Variants in CDH7 observed in about 807,000 individuals in gnomAD.
CDH7 encodes the protein cadherin 7.
CDH7 carries 25 observed loss-of-function variants against 71.8 expected under a neutral mutation model. The observed-to-expected ratio is 0.35, with a 90% CI of 0.25 to 0.49. CDH7 has a LOEUF of 0.49. Among genes scored for constraint, CDH7 ranks in the 20% least tolerant of loss-of-function variants. The pLI is 0.99. For missense variants in CDH7, 862 were observed against 974.6 expected, an observed-to-expected ratio of 0.88 and a Z score of 1.54; for synonymous variants, 381 against 363.8, an observed-to-expected ratio of 1.05 and a Z score of -0.54.
intron 6 of CDH7, among the ~76,000 whole-genome samples, chr18:65,836,684 A>AGAT (rs1912543047): frequency 6.7e-6 from 1 of 150,166 alleles, no homozygotes; most frequent in Non-Finnish European, 1.5e-5. Flanking sequence ...AGTATAATTA[A>AGAT]AATAATAATA....
chr18:65,858,725 T>C (rs1318117695), intron 8 of CDH7, among the ~76,000 whole-genome samples, 200 bp from the exon 9 acceptor site: 1 of 152,034 alleles, frequency 6.6e-6, no homozygotes, highest in Non-Finnish European at 1.5e-5. Flanking sequence ...TGTATGTGTG[T>C]ATATATATAC....
intron 2 of CDH7, among the ~76,000 whole-genome samples, chr18:65,781,820 T>TTCTTTC (rs1910226899): frequency 5.1e-5 from 3 of 58,356 alleles, no homozygotes; most frequent in African/African-American, 1.3e-4. Context: ...CCTTCCTTCC[T>TTCTTTC]TCTTTCTTTC....
At chr18:65,761,547 A>AC (rs1916192842) in intron 1 of CDH7, among the ~76,000 whole-genome samples, 1 of 151,816 alleles carries the variant, frequency 6.6e-6, no homozygotes, top group Non-Finnish European at 1.5e-5. Context: ...AAAAAAAAAA[A>AC]AAAACAGAAA....
intron 2 of CDH7, among the ~76,000 whole-genome samples, chr18:65,779,272 T>C (rs1910088104): frequency 7.1e-6 from 1 of 141,132 alleles, no homozygotes; most frequent in Non-Finnish European, 1.5e-5. Context: ...TTTTTTTTTT[T>C]TTTCAGTCAT....
At chr18:65,803,854 T>C (rs1211757013) in intron 2 of CDH7, 2 of 101,308 alleles carry the variant, frequency 2.0e-5, no homozygotes, top group Non-Finnish European at 4.6e-5. Flanking sequence ...AGTAAATCAG[T>C]GGTTAAAAAA....
In CDH7 at chr18:65,844,000, C is replaced by A; in HGVS notation, c.1170C>A (p.Thr390=). ...PLYPMEVSEA[T]QVGNIIGTVA... ...ACCCTATGGAGGTGTCGGAAGCTAC[C>A]CAGGTTGGGAATATCATTGGCACTG... is the stretch of plus-strand genomic sequence containing the variant. Residue 390 remains threonine, a synonymous_variant, in exon 7 of 12, where the codon ACC becomes ACA. Transcript: ENST00000397968. 1 of 1,612,776 alleles carries A rather than the reference C, an allele frequency of 6.2e-7. No individual in the cohort carries two copies. Among genetic ancestry groups the A allele is most frequent in the South Asian group, 1.1e-5 (1 of 91,046 alleles).
At chr18:65,863,127 TC>T in intron 11 of CDH7, 1 of 595,186 alleles carries the variant, frequency 1.7e-6, no homozygotes, top group Non-Finnish European at 2.9e-6. Context: ...AGCCTCTGCC[TC>T]CCAGGTTCAA....
At chr18:65,753,867 C>A (rs548872996) in intron 1 of CDH7, among the ~76,000 whole-genome samples, 5 of 152,182 alleles carry the variant, frequency 3.3e-5, no homozygotes, top group African/African-American at 1.2e-4. Context: ...CTGTCCATAT[C>A]TTCATTTCAG....
chr18:65,809,136 T>A (rs187694191), intron 2 of CDH7, among the ~76,000 whole-genome samples: 16 of 152,288 alleles, frequency 1.1e-4, no homozygotes, highest in African/African-American at 3.9e-4. Flanking sequence ...TCAGCTCCAA[T>A]TTTTAAAATA....
chr18:65,781,860 T>TTCTTTCTC (rs1278194369), intron 2 of CDH7, among the ~76,000 whole-genome samples: 2 of 70,360 alleles, frequency 2.8e-5, no homozygotes, highest in Non-Finnish European at 5.0e-5. Context: ...CTTTCTTTCT[T>TTCTTTCTC]TCTTTCTCTC....
intron 2 of CDH7, among the ~76,000 whole-genome samples, chr18:65,778,728 TTTGA>T (rs1394122393): frequency 3.3e-5 from 5 of 151,542 alleles, no homozygotes; most frequent in South Asian, 4.2e-4. Context: ...ATAAATACAC[TTTGA>T]TTGAACTAAA....
At chr18:65,812,121 A>G (rs1041281225) in intron 3 of CDH7, among the ~76,000 whole-genome samples, 1 of 151,376 alleles carries the variant, frequency 6.6e-6, no homozygotes, top group African/African-American at 2.4e-5. Context: ...GGTGCGCACC[A>G]CCACTCCCAG....
At chr18:65,806,371 G>GA (rs1208816250) in intron 2 of CDH7, among the ~76,000 whole-genome samples, 6 of 151,822 alleles carry the variant, frequency 4.0e-5, no homozygotes, top group African/African-American at 1.5e-4. Context: ...GGCAGTAAAG[G>GA]TAAGTTTTGT....
At chr18:65,784,113 ATTT>A (rs72393865) in intron 2 of CDH7, among the ~76,000 whole-genome samples, 45 of 106,758 alleles carry the variant, frequency 4.2e-4, no homozygotes, top group African/African-American at 1.4e-3. Context: ...ACCCACAGCT[ATTT>A]TTTTTTTTTT....
At chr18:65,801,263 G>C (rs539291607) in intron 2 of CDH7, among the ~76,000 whole-genome samples, 61 of 152,202 alleles carry the variant, frequency 4.0e-4, no homozygotes, top group Non-Finnish European at 8.2e-4. Flanking sequence ...AAACAAACAG[G>C]CTAGATTCAA....
At chr18:65,847,580 C>G (rs1912976961) in intron 7 of CDH7, among the ~76,000 whole-genome samples, 2 of 152,162 alleles carry the variant, frequency 1.3e-5, no homozygotes, top group African/African-American at 4.8e-5. Context: ...TTTAAAATTT[C>G]TACCTACTTT....
rs1914284448 is a variant in CDH7 at position 65,883,324 on chromosome 18, G to T, written c.*2430G>T. The T allele has an allele frequency of 6.6e-6, 1 of 151,798 alleles. No individual in the cohort carries two copies. Among genetic ancestry groups the T allele is most frequent in the Non-Finnish European group, 1.5e-5 (1 of 67,900 alleles). The allele number at this position is 151,798 out of a possible 1,614,324, so 9.4% of individuals were successfully genotyped here. A position where few individuals can be genotyped will look rare whatever the true frequency, so the allele number is the denominator to read the frequency against. ...TATATGAAGTATTCTAAGCTTAATT[G>T]TAATAGTAGTAAATTTTTTGCCGTT... On this transcript the variant is annotated 3_prime_UTR_variant, in exon 12 of 12. Transcript: ENST00000397968.
chr18:65,754,662 A>G (rs989683711), intron 1 of CDH7, among the ~76,000 whole-genome samples: 2 of 152,198 alleles, frequency 1.3e-5, no homozygotes, highest in African/African-American at 4.8e-5. Flanking sequence ...GCAAGCAGTC[A>G]TCTCAAAATA....
intron 6 of CDH7, among the ~76,000 whole-genome samples, chr18:65,826,261 C>G (rs930446319): frequency 1.3e-5 from 2 of 151,226 alleles, no homozygotes; most frequent in Non-Finnish European, 1.5e-5. Flanking sequence ...AGAAAAACAT[C>G]ACAAATAATC....
Sources: gnomAD v4.1 joint callset for allele counts (sites outside exome capture counted in the v4.1 genomes callset) on GRCh38, gnomAD v4.1.1 for gene constraint, MANE v1.5 for transcripts, NCBI Gene and HGNC (gene_info 2026-07-23, HGNC 2026-07-21) for gene names.